The following OMA1 variants were observed in gnomAD, a reference collection of about 807,000 sequenced individuals.
OMA1 encodes OMA1 zinc metallopeptidase, also known as metalloendopeptidase OMA1, mitochondrial.
Under a neutral mutation model 30.9 loss-of-function variants are expected in OMA1, and 38 were observed. The observed-to-expected ratio is 1.23, with a 90% confidence interval of 0.95 to 1.61. The LOEUF (loss-of-function observed/expected upper bound fraction) is 1.61, where lower values mean the gene tolerates loss of function less well. OMA1 is among the 40% of genes most tolerant of loss of function. The pLI, the probability that OMA1 is intolerant of heterozygous loss-of-function variation, is 0.00. For synonymous variants in OMA1, 173 were observed against 121.9 expected (o/e 1.42, Z -2.76); for missense variants, 461 against 349.2 (o/e 1.32, Z -2.55).
At chr1:58,482,270 G>A (rs1645500494) in intron 8 of OMA1, among the ~76,000 whole-genome samples, 1 of 152,092 alleles carries the variant, frequency 6.6e-6, no homozygotes, top group South Asian at 2.1e-4. Context: ...ATTGAAGTTA[G>A]AATGTAGCAA....
chr1:58,542,983 G>A (rs1646644576), intron 1 of OMA1, among the ~76,000 whole-genome samples: 1 of 64,214 alleles, frequency 1.6e-5, no homozygotes, highest in African/African-American at 3.8e-5. Flanking sequence ...CAAACAAAAA[G>A]CTTTTTTAAA....
chr1:58,481,883 A>G (rs545939555), intron 8 of OMA1, among the ~76,000 whole-genome samples: 26 of 152,350 alleles, frequency 1.7e-4, no homozygotes, highest in African/African-American at 6.0e-4. Context: ...TTGTGAGGCC[A>G]TCCTCAGCCA....
intron 7 of OMA1, among the ~76,000 whole-genome samples, chr1:58,525,049 A>G (rs1646328499): frequency 1.3e-5 from 2 of 152,220 alleles, no homozygotes; most frequent in Admixed American, 6.5e-5. Context: ...TTAATACTGC[A>G]TCTTTCTGTT....
At chr1:58,503,678 T>C (rs544908962) in intron 8 of OMA1, among the ~76,000 whole-genome samples, 9 of 152,024 alleles carry the variant, frequency 5.9e-5, no homozygotes, top group Non-Finnish European at 1.2e-4. Flanking sequence ...CATGTGAGGT[T>C]ACAAGGAGAA....
At chr1:58,521,714 A>T (rs1406574031) in intron 7 of OMA1, among the ~76,000 whole-genome samples, 2 of 152,154 alleles carry the variant, frequency 1.3e-5, no homozygotes, top group East Asian at 3.8e-4. Flanking sequence ...CTGAAACAAG[A>T]AATAGAAAAA....
chr1:58,539,456 A>T, intron 1 of OMA1, 146 bp from the exon 2 acceptor site: 1 of 585,382 alleles, frequency 1.7e-6, no homozygotes, highest in Non-Finnish European at 3.0e-6. Flanking sequence ...TCACCCCTAG[A>T]GCAACGCCTT....
At chr1:58,512,929 A>G (rs6667703) in intron 7 of OMA1, among the ~76,000 whole-genome samples, 88,645 of 152,050 alleles carry the variant, frequency 0.58, 28,051 homozygotes, top group East Asian at 0.82. Context: ...AAAAGTAACG[A>G]TAGACCAAAA....
At chr1:58,503,082 A>G (rs1286394253) in intron 8 of OMA1, among the ~76,000 whole-genome samples, 6 of 152,354 alleles carry the variant, frequency 3.9e-5, no homozygotes, top group Non-Finnish European at 8.8e-5. Flanking sequence ...TAATTTGATG[A>G]TGAAATGACA....
At chr1:58,500,648 A>T (rs1223340163) in intron 8 of OMA1, among the ~76,000 whole-genome samples, 1 of 152,200 alleles carries the variant, frequency 6.6e-6, no homozygotes, top group Non-Finnish European at 1.5e-5. Flanking sequence ...AAAAACATTT[A>T]AAAATATATC....
At chr1:58,483,052 A>G (rs1172430683) in intron 8 of OMA1, among the ~76,000 whole-genome samples, 2 of 152,238 alleles carry the variant, frequency 1.3e-5, no homozygotes, top group Admixed American at 6.5e-5. Context: ...TTTGAAGAAT[A>G]CACATTCGAA....
chr1:58,497,697 C>T (rs2100396056), intron 8 of OMA1, among the ~76,000 whole-genome samples: 1 of 152,200 alleles, frequency 6.6e-6, no homozygotes, highest in Non-Finnish European at 1.5e-5. Flanking sequence ...CCTCTCTGTA[C>T]CAGAAAGAGA....
intron 6 of OMA1, among the ~76,000 whole-genome samples, chr1:58,529,929 G>C (rs2100471779): frequency 1.3e-5 from 2 of 152,006 alleles, no homozygotes; most frequent in Non-Finnish European, 2.9e-5. Flanking sequence ...CGCCCAGGCT[G>C]GAGTGCAGTG....
Position 58,538,804 on chromosome 1 carries a change from A to G in OMA1, c.491T>C (p.Ile164Thr), listed in dbSNP as rs1455805069. Residue 164 changes from isoleucine (I) to threonine (T), a missense_variant, in exon 2 of 9, where the codon ATT (isoleucine) becomes ACT (threonine). Transcript: ENST00000371226. ...TAAAAAAGCATTTTACCTGCCTACA[A>G]TGATTGCAAATAACTTCTGTACTGG... is the stretch of plus-strand genomic sequence containing the variant. ...LKPVQKLFAI[I>T]VGRGIRKWWQ... 3.7e-6 allele frequency: 3 copies of G among 808,754 alleles called. No individual in the cohort carries two copies. The highest frequency in any genetic ancestry group is 1.7e-5 in the African/African-American group (1 of 58,566). 50.1% of individuals were successfully genotyped at this position (808,754 alleles called of 1,614,324 possible). A position where few individuals can be genotyped will look rare whatever the true frequency, so the allele number is the denominator to read the frequency against.
chr1:58,538,007 C>T (rs1363611555), intron 2 of OMA1, among the ~76,000 whole-genome samples: 6 of 152,132 alleles, frequency 3.9e-5, no homozygotes, highest in East Asian at 1.9e-4. Context: ...ACAGCTGTAT[C>T]GCTTTTGGGT....
intron 7 of OMA1, among the ~76,000 whole-genome samples, chr1:58,522,102 T>A (rs1646274075): frequency 6.6e-6 from 1 of 152,264 alleles, no homozygotes; most frequent in South Asian, 2.1e-4. Flanking sequence ...TTAAAAAAAA[T>A]TAATGTAATT....
chr1:58,506,462 A>T (rs892959553), intron 7 of OMA1, among the ~76,000 whole-genome samples: 3 of 152,154 alleles, frequency 2.0e-5, no homozygotes, highest in South Asian at 2.1e-4. Flanking sequence ...ATTTTCTATC[A>T]TCACTTTAAT....
At chr1:58,539,563 T>G (rs997422239) in intron 1 of OMA1, among the ~76,000 whole-genome samples, 1 of 152,196 alleles carries the variant, frequency 6.6e-6, no homozygotes, top group Non-Finnish European at 1.5e-5. Flanking sequence ...TAATTTTTAG[T>G]TAGGGAAGAG....
chr1:58,535,957 T>C (rs1646509728), intron 3 of OMA1, among the ~76,000 whole-genome samples: 1 of 151,662 alleles, frequency 6.6e-6, no homozygotes, highest in Admixed American at 6.6e-5. Flanking sequence ...TAAGCTCTAC[T>C]CTTACATACT....
intron 5 of OMA1, among the ~76,000 whole-genome samples, 185 bp downstream of exon 5, chr1:58,533,768 A>G (rs1305239489): frequency 1.3e-5 from 2 of 152,224 alleles, no homozygotes; most frequent in Non-Finnish European, 2.9e-5. Context: ...ATCAAATACT[A>G]AAGACCATAA....
Sources: gnomAD v4.1 joint callset for allele counts (sites outside exome capture counted in the v4.1 genomes callset) on GRCh38, gnomAD v4.1.1 for gene constraint, MANE v1.5 for transcripts, NCBI Gene and HGNC (gene_info 2026-07-23, HGNC 2026-07-21) for gene names.